PDE11A: variants seen among roughly 807,000 people sequenced by gnomAD.
PDE11A encodes dual 3',5'-cyclic-AMP and -GMP phosphodiesterase 11A.
PDE11A carries 100 observed loss-of-function variants against 100.5 expected under a neutral mutation model. The observed-to-expected ratio is 1.00, with a 90% CI of 0.85 to 1.18. The LOEUF (loss-of-function observed/expected upper bound fraction) is 1.18, where lower values mean the gene tolerates loss of function less well. PDE11A is among the 50% of genes most tolerant of loss of function. The pLI, the probability that PDE11A is intolerant of heterozygous loss-of-function variation, is 0.00. For synonymous variants in PDE11A, 381 were observed against 420.8 expected (o/e 0.91, Z 1.16); for missense variants, 1,141 against 1,152.6 (o/e 0.99, Z 0.15).
intron 19 of PDE11A, among the ~76,000 whole-genome samples, chr2:177,654,300 A>G (rs901351023): frequency 6.6e-6 from 1 of 152,190 alleles, no homozygotes; most frequent in Non-Finnish European, 1.5e-5. Flanking sequence ...TGGGCAGATC[A>G]CTTTAGCTCA....
In PDE11A at chr2:177,994,303, G is replaced by A. The variant is rs537675067; in HGVS notation, c.1071+19999C>T. ...GCTTCTAAGAGAGTAAACATAAAAA[G>A]CTGTATACATGGCATGTATGCTACC... On this transcript the variant is annotated intron_variant, in intron 2 of 19. Coordinates refer to ENST00000286063, the MANE Select transcript of PDE11A (RefSeq NM_016953.4). Among the ~76,000 whole-genome samples the A allele has an allele frequency of 3.0e-4, 46 of 152,202 alleles. No individual in the cohort carries two copies. The South Asian group carries it at 8.7e-3, about 29-fold the overall frequency.
At chr2:177,711,567 G>C (rs964392355) in intron 13 of PDE11A, among the ~76,000 whole-genome samples, 2 of 152,176 alleles carry the variant, frequency 1.3e-5, no homozygotes, top group Non-Finnish European at 2.9e-5. Context: ...AAATCAACAA[G>C]CATGACATGA....
chr2:177,821,632 T>C (rs1345679650), intron 6 of PDE11A, among the ~76,000 whole-genome samples: 2 of 151,894 alleles, frequency 1.3e-5, no homozygotes, highest in African/African-American at 4.8e-5. Flanking sequence ...ACATTTGATG[T>C]TGTCAGGCTT....
At chr2:177,770,707 GT>G (rs2105503683) in intron 9 of PDE11A, among the ~76,000 whole-genome samples, 1 of 152,306 alleles carries the variant, frequency 6.6e-6, no homozygotes, top group African/African-American at 2.4e-5. Flanking sequence ...CAGAATTCTT[GT>G]TGTGTGAGAC....
intron 1 of PDE11A, among the ~76,000 whole-genome samples, chr2:178,027,890 A>G (rs984265915): frequency 6.6e-6 from 1 of 152,188 alleles, no homozygotes; most frequent in Non-Finnish European, 1.5e-5. Flanking sequence ...ATATTGGAAA[A>G]CATCCTGATT....
intron 2 of PDE11A, among the ~76,000 whole-genome samples, chr2:177,935,120 A>G (rs918800461): frequency 1.3e-5 from 2 of 152,228 alleles, no homozygotes; most frequent in African/African-American, 2.4e-5. Context: ...TACAAAAAAA[A>G]AGATATTGAT....
intron 1 of PDE11A, among the ~76,000 whole-genome samples, chr2:178,055,862 T>G (rs549972230): frequency 1.3e-5 from 2 of 152,244 alleles, no homozygotes; most frequent in South Asian, 4.1e-4. Flanking sequence ...AAGAAATGCA[T>G]TCGTAATAAA....
chr2:177,896,752 T>C (rs2105725745), intron 4 of PDE11A, among the ~76,000 whole-genome samples: 1 of 152,316 alleles, frequency 6.6e-6, no homozygotes, highest in South Asian at 2.1e-4. Context: ...AACACCTACC[T>C]TATAAGATAA....
intron 2 of PDE11A, among the ~76,000 whole-genome samples, chr2:178,004,310 C>A (rs760830889): frequency 2.1e-4 from 32 of 152,096 alleles, no homozygotes; most frequent in Admixed American, 4.6e-4. Flanking sequence ...GGCAGAGATA[C>A]CCAATTCAAA....
chr2:177,986,957 G>A (rs62183411), intron 2 of PDE11A, among the ~76,000 whole-genome samples: 35,154 of 152,034 alleles, frequency 0.23, 4,141 homozygotes, highest in Middle Eastern at 0.28. Flanking sequence ...ACCATAAAAT[G>A]TTAACTTTGA....
chr2:177,810,419 A>T (rs1044383324), intron 9 of PDE11A, among the ~76,000 whole-genome samples: 1 of 152,224 alleles, frequency 6.6e-6, no homozygotes, highest in African/African-American at 2.4e-5. Context: ...ATGTAGGGCA[A>T]ACAGGAACAA....
At chr2:177,835,455 A>T (rs1210379063) in intron 6 of PDE11A, among the ~76,000 whole-genome samples, 1 of 152,206 alleles carries the variant, frequency 6.6e-6, no homozygotes, top group Non-Finnish European at 1.5e-5. Context: ...GGGAAAAGTT[A>T]ATTTCCCAGA....
chr2:177,969,683 T>A (rs1479429067), intron 2 of PDE11A, among the ~76,000 whole-genome samples: 1 of 152,176 alleles, frequency 6.6e-6, no homozygotes, highest in Non-Finnish European at 1.5e-5. Context: ...CAGATCTTAG[T>A]GACTAAAAGT....
At chr2:177,697,523 C>A in intron 14 of PDE11A, 91 bp from the exon 15 acceptor site, 1 of 724,992 alleles carries the variant, frequency 1.4e-6, no homozygotes, top group Non-Finnish European at 2.5e-6. Flanking sequence ...AGTCTGGGAA[C>A]ATTAAAAAAA....
At chr2:177,902,486 A>C (rs2084712730) in intron 3 of PDE11A, among the ~76,000 whole-genome samples, 4 of 152,222 alleles carry the variant, frequency 2.6e-5, no homozygotes, top group Admixed American at 2.6e-4. Flanking sequence ...AGTATTTTAC[A>C]CAGTTGAATA....
intron 1 of PDE11A, among the ~76,000 whole-genome samples, chr2:178,022,473 C>T (rs937405030): frequency 1.4e-5 from 1 of 70,230 alleles, no homozygotes; most frequent in African/African-American, 4.4e-5. Context: ...TAGATACAGA[C>T]ATAGACGATT....
At chr2:178,013,600 A>G (rs1368374164) in intron 2 of PDE11A, among the ~76,000 whole-genome samples, 1 of 152,244 alleles carries the variant, frequency 6.6e-6, no homozygotes, top group Non-Finnish European at 1.5e-5. Flanking sequence ...ACTTAAACAA[A>G]CTAATTTGAG....
At position 178,108,308 on chromosome 2, in the gene PDE11A, G is replaced by C. The variant is rs570980596; in HGVS notation, c.-68C>G. ...CCTCAACTTCGAGGCTGGCGATCCA[G>C]AAAGAGCACCTCACGCCCTGGGCTG... On this transcript the variant is annotated 5_prime_UTR_variant, in exon 1 of 21. Transcript: ENST00000358450. 14 of 152,378 alleles carry C rather than the reference G, an allele frequency of 9.2e-5. No homozygotes were observed. In the East Asian group the frequency reaches 1.5e-3, roughly 17 times the overall value. 9.4% of individuals were successfully genotyped at this position (152,378 alleles called of 1,614,324 possible).
chr2:177,954,085 T>C (rs7595479), intron 2 of PDE11A, among the ~76,000 whole-genome samples: 23,164 of 150,594 alleles, frequency 0.15, 1,844 homozygotes, highest in Middle Eastern at 0.27. Flanking sequence ...TCTAGAATGC[T>C]CTTTCCTATT....
Sources: gnomAD v4.1 joint callset for allele counts (sites outside exome capture counted in the v4.1 genomes callset) on GRCh38, gnomAD v4.1.1 for gene constraint, MANE v1.5 for transcripts, NCBI Gene and HGNC (gene_info 2026-07-23, HGNC 2026-07-21) for gene names.